Variants in GPCPD1 observed in about 807,000 individuals in gnomAD.
GPCPD1 encodes glycerophosphocholine phosphodiesterase GPCPD1.
Under a neutral mutation model 89.2 loss-of-function variants are expected in GPCPD1, and 29 were observed. That is an observed-to-expected ratio of 0.33 (90% CI 0.24 to 0.44). The LOEUF (loss-of-function observed/expected upper bound fraction) is 0.44. Among genes scored for constraint, GPCPD1 ranks in the 20% least tolerant of loss-of-function variants. The pLI is 1.00. For synonymous variants in GPCPD1, 258 were observed against 266.3 expected, an observed-to-expected ratio of 0.97 and a Z score of 0.30; for missense variants, 594 against 808.9, an observed-to-expected ratio of 0.73 and a Z score of 3.22.
chr20:5,582,140 C>T (rs1230825962), intron 6 of GPCPD1, among the ~76,000 whole-genome samples: 76 of 128,354 alleles, frequency 5.9e-4, no homozygotes, highest in African/African-American at 1.2e-4. Context: ...GAGCCGAGAT[C>T]GCGCCACTGC....
At chr20:5,590,604 A>C (rs932627375) in intron 4 of GPCPD1, among the ~76,000 whole-genome samples, 7 of 152,084 alleles carry the variant, frequency 4.6e-5, no homozygotes, top group African/African-American at 1.7e-4. Context: ...AGGCATGAGT[A>C]AAGCAAAGGA....
intron 8 of GPCPD1, among the ~76,000 whole-genome samples, chr20:5,576,604 A>G (rs1978289643): frequency 6.6e-6 from 1 of 152,050 alleles, no homozygotes; most frequent in South Asian, 2.1e-4. Flanking sequence ...TATTTTTTTG[A>G]GAGAGTCTCA....
intron 8 of GPCPD1, among the ~76,000 whole-genome samples, chr20:5,576,348 A>T (rs1453544777): frequency 6.8e-6 from 1 of 146,110 alleles, no homozygotes; most frequent in Non-Finnish European, 1.5e-5. Context: ...TGAACCCGGG[A>T]GGTGGAGGCT....
chr20:5,602,932 G>A (rs1309641494), intron 2 of GPCPD1, among the ~76,000 whole-genome samples: 2 of 149,916 alleles, frequency 1.3e-5, no homozygotes, highest in African/African-American at 2.5e-5. Context: ...GCAGTGAGCC[G>A]AGATCGCGTC....
chr20:5,571,932 G>T lies in GPCPD1; in HGVS notation c.1057-1693C>A, dbSNP rs760882678. Among the ~76,000 whole-genome samples, 9 of 150,032 alleles carry T rather than the reference G, an allele frequency of 6.0e-5. No homozygotes were observed. In the East Asian group the frequency reaches 9.9e-4, roughly 17 times the overall value. On this transcript the variant is annotated intron_variant, in intron 11 of 19. Transcript: ENST00000379019. Reference sequence around the variant, plus strand: ...TCAAAAAAAAAAAAAATTTAACAGGGTCATCACACCGGCATGATGGTTCAT... The same window carrying T: ...TCAAAAAAAAAAAAAATTTAACAGGTTCATCACACCGGCATGATGGTTCAT...
At position 5,567,553 on chromosome 20, in the gene GPCPD1, T is replaced by G; in HGVS notation, c.1157A>C (p.Asp386Ala). 1 of 1,371,688 alleles carries G rather than the reference T, an allele frequency of 7.3e-7. No homozygotes were observed. Among genetic ancestry groups the G allele is most frequent in the Non-Finnish European group, 9.5e-7 (1 of 1,051,100 alleles). The allele number at this position is 1,371,688 out of a possible 1,614,324, so 85.0% of individuals were successfully genotyped here. Residue 386 changes from aspartate (D) to alanine (A), a missense_variant, in exon 13 of 20, where the codon GAT (aspartate) becomes GCT (alanine). Asp to Ala is a moderately radical substitution (Grantham distance 126). Transcript: ENST00000379019. ...TCCLTMKKKF[D>A]ADPVELFEIP... The stretch of plus-strand genomic sequence containing the variant: ...TTCAAATAATTCAACTGGATCAGCA[T>G]CAAATTTCTAAAAAAAAAAAAAAAA...
intron 15 of GPCPD1, among the ~76,000 whole-genome samples, chr20:5,564,589 A>G (rs560677088): frequency 1.9e-4 from 29 of 152,252 alleles, no homozygotes; most frequent in African/African-American, 6.7e-4. Flanking sequence ...ACCCTTGGGG[A>G]GGCTGAGGCT....
intron 17 of GPCPD1, among the ~76,000 whole-genome samples, chr20:5,559,528 T>G (rs1270157319): frequency 6.6e-6 from 1 of 152,182 alleles, no homozygotes; most frequent in African/African-American, 2.4e-5. Flanking sequence ...AGGGCTGCAG[T>G]GTCATCATCA....
At chr20:5,570,426 CAAAAAAAAAAA>C (rs36030193) in intron 11 of GPCPD1, among the ~76,000 whole-genome samples, 187 bp from the exon 12 acceptor site, 1 of 86,050 alleles carries the variant, frequency 1.2e-5, no homozygotes, top group African/African-American at 4.4e-5. Context: ...TTTTTCCTGG[CAAAAAAAAAAA>C]AAAAAAAAAA....
At chr20:5,550,393 T>C (rs1027142984) in intron 19 of GPCPD1, among the ~76,000 whole-genome samples, 24 of 147,286 alleles carry the variant, frequency 1.6e-4, no homozygotes, top group African/African-American at 6.0e-4. Flanking sequence ...ATCAAGAAAA[T>C]TGAAAGGGTC....
At chr20:5,569,891 C>A (rs1281372298) in intron 12 of GPCPD1, among the ~76,000 whole-genome samples, 1 of 152,090 alleles carries the variant, frequency 6.6e-6, no homozygotes, top group African/African-American at 2.4e-5. Context: ...GCTACAGAAA[C>A]CACCTGGAAT....
intron 19 of GPCPD1, among the ~76,000 whole-genome samples, chr20:5,555,434 G>T (rs908405298): frequency 1.6e-4 from 24 of 152,242 alleles, no homozygotes; most frequent in African/African-American, 5.3e-4. Flanking sequence ...AGCTACTCGG[G>T]AGGCTGAGGC....
chr20:5,577,814 T>C (rs780730028), intron 8 of GPCPD1, among the ~76,000 whole-genome samples: 5 of 152,152 alleles, frequency 3.3e-5, no homozygotes, highest in Non-Finnish European at 5.9e-5. Context: ...AAGTATTATG[T>C]GTTGGGGAAA....
rs551621500 is a variant in GPCPD1 at position 5,546,899 on chromosome 20, C to A, written c.*762G>T. The A allele has an allele frequency of 1.5e-4, 23 of 152,638 alleles. 1 individual carries two copies. The highest frequency in any genetic ancestry group is 4.6e-4 in the African/African-American group (19 of 41,522). 9.5% of individuals were successfully genotyped at this position (152,638 alleles called of 1,614,324 possible). On this transcript the variant is annotated 3_prime_UTR_variant, in exon 20 of 20. Coordinates refer to ENST00000379019, the MANE Select transcript of GPCPD1 (RefSeq NM_019593.5). ...AACATGTACAATCTCATGCTTAACA[C>A]CTAAAGCATGCACTGAATTGAATTT... is the stretch of plus-strand genomic sequence containing the variant.
chr20:5,592,009 G>C (rs1042821253), intron 4 of GPCPD1, among the ~76,000 whole-genome samples: 1 of 152,206 alleles, frequency 6.6e-6, no homozygotes, highest in Admixed American at 6.5e-5. Flanking sequence ...ATTTTGGACT[G>C]ATCTGCTGCT....
chr20:5,562,562 G>T (rs771621488), intron 15 of GPCPD1, among the ~76,000 whole-genome samples: 1 of 152,196 alleles, frequency 6.6e-6, no homozygotes, highest in Non-Finnish European at 1.5e-5. Flanking sequence ...GATTACAGGC[G>T]TGAGCCACTG....
chr20:5,582,206 A>AC (rs1568664943), intron 6 of GPCPD1, among the ~76,000 whole-genome samples: 2 of 145,792 alleles, frequency 1.4e-5, no homozygotes, highest in African/African-American at 2.6e-5. Context: ...AAAAAAAAAA[A>AC]AAAAAAAAAA....
intron 8 of GPCPD1, 45 bp downstream of exon 8, chr20:5,578,335 G>A (rs376728740): frequency 2.3e-5 from 26 of 1,134,020 alleles, no homozygotes; most frequent in South Asian, 4.9e-5. Flanking sequence ...AAATAAGCTT[G>A]TCCCTGCATT....
At chr20:5,570,507 G>A (rs549684215) in intron 11 of GPCPD1, among the ~76,000 whole-genome samples, 10 of 150,088 alleles carry the variant, frequency 6.7e-5, no homozygotes, top group African/African-American at 2.2e-4. Flanking sequence ...GACAGCCTTC[G>A]GGGCTGTTAC....
Sources: gnomAD v4.1 joint callset for allele counts (sites outside exome capture counted in the v4.1 genomes callset) on GRCh38, gnomAD v4.1.1 for gene constraint, MANE v1.5 for transcripts, NCBI Gene and HGNC (gene_info 2026-07-23, HGNC 2026-07-21) for gene names.